Variants in RTN1 observed in about 807,000 individuals in gnomAD.
The protein encoded by RTN1 is reticulon-1.
In RTN1, 25 loss-of-function variants were observed where a neutral mutation model predicts 65.5. The ratio of observed to expected loss-of-function variants is 0.38; its 90% CI spans 0.28 to 0.53. RTN1 has a LOEUF of 0.53. RTN1 is among the 20% of genes least tolerant of loss of function. RTN1 has a pLI of 0.79. For synonymous variants in RTN1, 471 were observed against 447.6 expected, an observed-to-expected ratio of 1.05 and a Z score of -0.66; for missense variants, 983 against 1,025.4, an observed-to-expected ratio of 0.96 and a Z score of 0.57.
At chr14:59,802,602 T>C (rs1886567443) in intron 1 of RTN1, among the ~76,000 whole-genome samples, 2 of 152,348 alleles carry the variant, frequency 1.3e-5, no homozygotes, top group Non-Finnish European at 1.5e-5. Context: ...ATTTGGAATT[T>C]AGTAGTGTAT....
At chr14:59,726,699 T>A (rs1469055522) in intron 3 of RTN1, among the ~76,000 whole-genome samples, 1 of 152,178 alleles carries the variant, frequency 6.6e-6, no homozygotes, top group African/African-American at 2.4e-5. Context: ...GTTCAGCCAG[T>A]CCTGAGTTGC....
intron 1 of RTN1, among the ~76,000 whole-genome samples, chr14:59,788,864 A>C (rs1039798653): frequency 6.6e-6 from 1 of 152,150 alleles, no homozygotes; most frequent in Non-Finnish European, 1.5e-5. Flanking sequence ...AAGTTCCAAT[A>C]AGGATGCATT....
intron 3 of RTN1, 122 bp downstream of exon 3, chr14:59,726,797 C>T: frequency 1.2e-6 from 1 of 826,140 alleles, no homozygotes; most frequent in Non-Finnish European, 1.9e-6. Flanking sequence ...GAACCGTTCT[C>T]TGGTCAACTG....
intron 1 of RTN1, among the ~76,000 whole-genome samples, chr14:59,768,715 G>A (rs1566720659): frequency 6.7e-6 from 1 of 149,718 alleles, no homozygotes; most frequent in African/African-American, 2.6e-5. Flanking sequence ...AACTCCATGT[G>A]TCTCGCTGTT....
At chr14:59,650,017 T>C (rs1882988965) in intron 3 of RTN1, among the ~76,000 whole-genome samples, 1 of 152,156 alleles carries the variant, frequency 6.6e-6, no homozygotes, top group Non-Finnish European at 1.5e-5. Context: ...CTGGCAATGA[T>C]AGGCTGGATA....
chr14:59,690,721 A>G (rs1259243403), intron 3 of RTN1, among the ~76,000 whole-genome samples: 2 of 152,212 alleles, frequency 1.3e-5, no homozygotes, highest in Non-Finnish European at 2.9e-5. Flanking sequence ...ATTCAAAAAA[A>G]TCTAAATCAT....
Position 59,870,661 on chromosome 14 carries a change from G to T in RTN1, c.-31C>A. On this transcript the variant is annotated 5_prime_UTR_variant, in exon 1 of 9. Coordinates refer to ENST00000267484, the MANE Select transcript of RTN1 (RefSeq NM_021136.3). This position sits in a 1 kb window ranked among gnomAD's most constrained non-coding sequence, Gnocchi z 5.1. ...GCGGTCCCCCGGCGCGGCGACGGCG[G>T]CTTGGCTGGGCAGAGGCTCGGTGGC... 7.4e-7 allele frequency: 1 copy of T among 1,347,770 alleles called. No individual in the cohort carries two copies. The highest frequency in any genetic ancestry group is 1.9e-5 in the South Asian group (1 of 53,282). The allele number at this position is 1,347,770 out of a possible 1,614,324, so 83.5% of individuals were successfully genotyped here.
chr14:59,712,284 G>A (rs1884439879), intron 3 of RTN1, among the ~76,000 whole-genome samples: 1 of 152,116 alleles, frequency 6.6e-6, no homozygotes, highest in Non-Finnish European at 1.5e-5. Context: ...TCCAACCCTG[G>A]CTGGACATTT....
intron 1 of RTN1, among the ~76,000 whole-genome samples, chr14:59,783,019 C>T (rs532803690): frequency 2.2e-4 from 33 of 152,288 alleles, no homozygotes; most frequent in Admixed American, 6.5e-4. Context: ...GATATCATCC[C>T]ATTTACTCCC....
chr14:59,707,336 T>C (rs149571180), intron 3 of RTN1, among the ~76,000 whole-genome samples: 2 of 152,358 alleles, frequency 1.3e-5, no homozygotes, highest in East Asian at 1.9e-4. Flanking sequence ...AATTCTATCA[T>C]CTATCAGGCC....
intron 3 of RTN1, among the ~76,000 whole-genome samples, chr14:59,714,653 T>C (rs1010047995): frequency 6.6e-6 from 1 of 151,710 alleles, no homozygotes; most frequent in Admixed American, 6.6e-5. Flanking sequence ...TGCAAGGAGG[T>C]TGGGAAATAC....
chr14:59,648,703 T>C (rs767633616), intron 3 of RTN1, among the ~76,000 whole-genome samples: 1 of 152,240 alleles, frequency 6.6e-6, no homozygotes, highest in African/African-American at 2.4e-5. Flanking sequence ...ATTAGTTCAA[T>C]AGATGCAGAA....
At chr14:59,791,778 T>C (rs998211495) in intron 1 of RTN1, among the ~76,000 whole-genome samples, 39 of 152,346 alleles carry the variant, frequency 2.6e-4, no homozygotes, top group African/African-American at 8.7e-4. Context: ...TAATTTGCTC[T>C]GGGTAATTAT....
At chr14:59,833,072 GGTGTCAA>G (rs1251572678) in intron 1 of RTN1, among the ~76,000 whole-genome samples, 1 of 152,094 alleles carries the variant, frequency 6.6e-6, no homozygotes, top group East Asian at 1.9e-4. Flanking sequence ...TACAGTGTAG[GGTGTCAA>G]GAAAATAACT....
chr14:59,837,387 C>G (rs1181105816), intron 1 of RTN1, among the ~76,000 whole-genome samples: 1 of 151,796 alleles, frequency 6.6e-6, no homozygotes, highest in Non-Finnish European at 1.5e-5. Context: ...TAACCTCAAA[C>G]TGAGGTTTTT....
At chr14:59,641,559 CAG>C (rs554546817) in intron 3 of RTN1, among the ~76,000 whole-genome samples, 181 of 152,158 alleles carry the variant, frequency 1.2e-3, no homozygotes, top group African/African-American at 4.2e-3. Context: ...TTAGTAGAAA[CAG>C]GGTTTTACCA....
At chr14:59,696,694 A>G (rs1884070529) in intron 3 of RTN1, among the ~76,000 whole-genome samples, 1 of 152,170 alleles carries the variant, frequency 6.6e-6, no homozygotes, top group African/African-American at 2.4e-5. Flanking sequence ...CTGATTGAAG[A>G]AGCTGGAAGC....
chr14:59,731,176 A>G (rs1320865861), intron 2 of RTN1, among the ~76,000 whole-genome samples: 1 of 152,248 alleles, frequency 6.6e-6, no homozygotes, highest in Non-Finnish European at 1.5e-5. Context: ...ATTTAGACAT[A>G]AAAAGGAGTG....
chr14:59,831,283 T>C (rs1041365725), intron 1 of RTN1, among the ~76,000 whole-genome samples: 1 of 152,234 alleles, frequency 6.6e-6, no homozygotes, highest in Non-Finnish European at 1.5e-5. Context: ...GTAAAGCAGA[T>C]TGCCCTCCCT....
Sources: gnomAD v4.1 joint callset for allele counts (sites outside exome capture counted in the v4.1 genomes callset) on GRCh38, gnomAD v4.1.1 for gene constraint, Gnocchi (gnomAD v3.1) non-coding constraint, MANE v1.5 for transcripts, NCBI Gene and HGNC (gene_info 2026-07-23, HGNC 2026-07-21) for gene names.